HMGA2: variants seen among roughly 807,000 people sequenced by gnomAD.
The protein encoded by HMGA2 is high mobility group protein HMGI-C.
Under a neutral mutation model 19.1 loss-of-function variants are expected in HMGA2, and 8 were observed. The observed-to-expected ratio is 0.42, with a 90% CI of 0.25 to 0.76. HMGA2 has a LOEUF of 0.76. HMGA2 is among the 30% of genes least tolerant of loss of function. HMGA2 has a pLI of 0.28. For missense variants in HMGA2, 109 were observed against 136.3 expected (o/e 0.80, Z 1.00); for synonymous variants, 60 against 48.8 (o/e 1.23, Z -0.96).
chr12:65,863,421 T>A (rs1298448361), intron 3 of HMGA2, among the ~76,000 whole-genome samples: 2 of 152,156 alleles, frequency 1.3e-5, no homozygotes, highest in Admixed American at 1.3e-4. Flanking sequence ...CTAAAACTGT[T>A]AAGCCAAAAC....
intron 3 of HMGA2, chr12:65,851,627 C>T (rs1339572925): frequency 2.3e-6 from 1 of 443,102 alleles, no homozygotes; most frequent in South Asian, 1.6e-5. Flanking sequence ...AAGATCATGC[C>T]ACTGCCTGGG....
intron 3 of HMGA2, among the ~76,000 whole-genome samples, chr12:65,905,362 C>A (rs115625334): frequency 6.6e-6 from 1 of 151,864 alleles, no homozygotes; most frequent in Non-Finnish European, 1.5e-5. Context: ...ATTTTGTTTA[C>A]GTGTTTATCA....
At chr12:65,905,721 AC>A (rs1874563868) in intron 3 of HMGA2, among the ~76,000 whole-genome samples, 1 of 152,232 alleles carries the variant, frequency 6.6e-6, no homozygotes, top group Admixed American at 6.5e-5. Context: ...TTCCTTAAAA[AC>A]ACATATATTC....
In HMGA2 at chr12:65,956,052, G is replaced by T. The variant is rs186704191; in HGVS notation, c.282+4637G>T. ...CATACAAAGAGGGAAGGAGGAAAGG[G>T]GAAAGCATTCTCACTCTAACACTCG... On this transcript the variant is annotated intron_variant, in intron 4 of 4. Transcript: ENST00000403681. The T allele has an allele frequency of 3.3e-5, 5 of 151,878 alleles. No individual in the cohort carries two copies. The East Asian group carries it at 5.9e-4, about 18-fold the overall frequency. The allele number at this position is 151,878 out of a possible 1,614,324, so 9.4% of individuals were successfully genotyped here.
chr12:65,915,288 T>C (rs930182492), intron 3 of HMGA2: 1 of 1,455,550 alleles, frequency 6.9e-7, no homozygotes, highest in African/African-American at 1.4e-5. Flanking sequence ...CTTTCTTATG[T>C]TTCCAACTGA....
chr12:65,895,043 C>T (rs1338397416), intron 3 of HMGA2, among the ~76,000 whole-genome samples: 1 of 152,104 alleles, frequency 6.6e-6, no homozygotes, highest in Non-Finnish European at 1.5e-5. Context: ...AAATGAACAA[C>T]ATTTGCAAAG....
At chr12:65,949,046 T>C (rs1423881685) in intron 3 of HMGA2, among the ~76,000 whole-genome samples, 2 of 152,148 alleles carry the variant, frequency 1.3e-5, no homozygotes, top group Non-Finnish European at 2.9e-5. Context: ...AGTGCTCTCT[T>C]CTTCCAAATG....
chr12:65,874,465 G>A (rs1196923757), intron 3 of HMGA2, among the ~76,000 whole-genome samples: 1 of 152,060 alleles, frequency 6.6e-6, no homozygotes, highest in Admixed American at 6.6e-5. Context: ...ATACAACAAA[G>A]CCTAGGTTTC....
chr12:65,928,098 G>A (rs868802540), intron 3 of HMGA2, among the ~76,000 whole-genome samples: 2 of 152,016 alleles, frequency 1.3e-5, no homozygotes, highest in Middle Eastern at 3.4e-3. Flanking sequence ...TAGCATCAAA[G>A]AGTGTATTTA....
Position 65,838,998 on chromosome 12 carries a change from C to CTTTTTTTTTTTTTTTTTTT in HMGA2, c.249+441_249+442insTTTTTTTTTTTTTTTTTTT. 3.3e-3 allele frequency among the ~76,000 whole-genome samples: 356 copies of CTTTTTTTTTTTTTTTTTTT among 106,930 alleles called. 5 individuals carry two copies. The highest frequency in any genetic ancestry group is 0.012 in the African/African-American group (224 of 18,618). The allele number at this position is 106,930 out of a possible 152,430, so 70.2% of individuals were successfully genotyped here. A position where few individuals can be genotyped will look rare whatever the true frequency, so the allele number is the denominator to read the frequency against. ...TTTCTTTTTCTTTCTTTTTCTTTTT[C>CTTTTTTTTTTTTTTTTTTT]TTTTTTTTTTTTGGTTTTCTCCATG... On this transcript the variant is annotated intron_variant, in intron 3 of 4. Transcript: ENST00000403681.
intron 3 of HMGA2, among the ~76,000 whole-genome samples, chr12:65,868,121 A>T (rs1176470881): frequency 1.3e-5 from 2 of 152,218 alleles, no homozygotes; most frequent in African/African-American, 4.8e-5. Flanking sequence ...AACTTTCTGC[A>T]GCTGTCCTCA....
chr12:65,895,975 A>G lies in HMGA2; in HGVS notation c.250-55408A>G, dbSNP rs968180417. Among the ~76,000 whole-genome samples the G allele has an allele frequency of 4.6e-5, 7 of 152,316 alleles. 1 individual carries two copies. In the Middle Eastern group the frequency reaches 0.01, roughly 222 times the overall value. ...TGCATGTGTGTGTTTTCTTATCTGT[A>G]AAGTTTTAACTTTGGCTTACTGTTT... On this transcript the variant is annotated intron_variant, in intron 3 of 4. Transcript: ENST00000403681.
chr12:65,888,317 G>A (rs1269191678), intron 3 of HMGA2, among the ~76,000 whole-genome samples: 5 of 151,432 alleles, frequency 3.3e-5, no homozygotes, highest in African/African-American at 7.3e-5. Context: ...TTAGCCGGGC[G>A]CAGTGGTGTG....
At chr12:65,931,091 G>C (rs1401402487) in intron 3 of HMGA2, among the ~76,000 whole-genome samples, 2 of 152,070 alleles carry the variant, frequency 1.3e-5, no homozygotes, top group Non-Finnish European at 2.9e-5. Flanking sequence ...TGAGCTGAAG[G>C]TAAAAGACAT....
chr12:65,875,916 C>G (rs1872995699), intron 3 of HMGA2, among the ~76,000 whole-genome samples: 1 of 151,938 alleles, frequency 6.6e-6, no homozygotes, highest in South Asian at 2.1e-4. Flanking sequence ...AGAATGAGCT[C>G]ATCTCTGCTT....
chr12:65,903,791 C>T (rs1249629515), intron 3 of HMGA2, among the ~76,000 whole-genome samples: 3 of 152,144 alleles, frequency 2.0e-5, no homozygotes, highest in Admixed American at 6.5e-5. Context: ...AGTTATGCCA[C>T]GTCTTTTGGC....
intron 3 of HMGA2, chr12:65,915,616 T>A: frequency 1.1e-6 from 1 of 929,094 alleles, no homozygotes; most frequent in Non-Finnish European, 1.3e-6. Flanking sequence ...TTTTATCCTC[T>A]GTGCAGTTTG....
chr12:65,920,601 G>A (rs1039244743), intron 3 of HMGA2, among the ~76,000 whole-genome samples: 3 of 152,202 alleles, frequency 2.0e-5, no homozygotes, highest in South Asian at 4.1e-4. Flanking sequence ...TGCTATTCTC[G>A]TGATAGTGAA....
intron 3 of HMGA2, among the ~76,000 whole-genome samples, chr12:65,901,943 G>A (rs1038843419): frequency 6.6e-6 from 1 of 152,138 alleles, no homozygotes; most frequent in Non-Finnish European, 1.5e-5. Flanking sequence ...ATGTGAAAAC[G>A]AAGTGTTTTA....
Sources: allele counts gnomAD v4.1 joint callset (sites outside exome capture counted in the v4.1 genomes callset), GRCh38; gene constraint gnomAD v4.1.1; transcripts MANE v1.5; gene names NCBI Gene and HGNC (gene_info 2026-07-23, HGNC 2026-07-21).